FECH: variants seen among roughly 807,000 people sequenced by gnomAD.
FECH encodes the protein ferrochelatase, mitochondrial.
Under a neutral mutation model 56.9 loss-of-function variants are expected in FECH, and 40 were observed. The observed-to-expected ratio is 0.70, with a 90% CI of 0.55 to 0.92. The LOEUF (loss-of-function observed/expected upper bound fraction) is 0.92, where lower values mean the gene tolerates loss of function less well. Ranked by LOEUF, FECH falls within the 40% of genes least tolerant of loss-of-function variation. The probability of loss-of-function intolerance (pLI) is 0.00; values close to 1 mark genes in which losing one functional copy is unlikely to be tolerated. For missense variants in FECH, 431 were observed against 529.1 expected (o/e 0.81, Z 1.82); for synonymous variants, 175 against 198.6 (o/e 0.88, Z 1.00).
intron 5 of FECH, among the ~76,000 whole-genome samples, chr18:57,564,392 G>A (rs958570368): frequency 6.6e-6 from 1 of 152,162 alleles, no homozygotes; most frequent in African/African-American, 2.4e-5. Context: ...GTCTAGGGGA[G>A]TTAGCATTGG....
intron 9 of FECH, 100 bp downstream of exon 9, chr18:57,554,160 T>C: frequency 7.7e-7 from 1 of 1,294,590 alleles, no homozygotes; most frequent in Non-Finnish European, 1.1e-6. Context: ...TGCAAACAAA[T>C]ACAGTAAACA....
intron 6 of FECH, among the ~76,000 whole-genome samples, chr18:57,562,634 G>A (rs1352116248): frequency 6.6e-6 from 1 of 152,162 alleles, no homozygotes; most frequent in Non-Finnish European, 1.5e-5. Context: ...ATATCGTTTT[G>A]TTATGGTTTG....
At chr18:57,578,945 C>T (rs965479661) in intron 2 of FECH, among the ~76,000 whole-genome samples, 12 of 147,110 alleles carry the variant, frequency 8.2e-5, no homozygotes, top group Non-Finnish European at 1.6e-4. Flanking sequence ...GGTGAAAGAG[C>T]AAGACTCCCT....
chr18:57,582,061 C>CA (rs11407406), intron 1 of FECH, among the ~76,000 whole-genome samples: 144,157 of 152,194 alleles, frequency 0.95, 68,423 homozygotes, highest in East Asian at 0.98. Flanking sequence ...TCCTTTTTTA[C>CA]TAAGTTTAAT....
rs940669419 is a variant in FECH at position 57,545,500 on chromosome 18, G to A, written c.*5212C>T. On this transcript the variant is annotated 3_prime_UTR_variant, in exon 11 of 11. Coordinates refer to ENST00000262093, the MANE Select transcript of FECH (RefSeq NM_000140.5). The stretch of plus-strand genomic sequence containing the variant: ...CATTTCTTTCTCTCACGGGACCCCA[G>A]AATAGGAGGAATGTGTTCTCTAGAG... 2.0e-5 allele frequency among the ~76,000 whole-genome samples: 3 copies of A among 152,194 alleles called. No individual in the cohort carries two copies. The highest frequency in any genetic ancestry group is 4.4e-5 in the Non-Finnish European group (3 of 68,036).
Position 57,554,450 on chromosome 18 carries a change from A to G in FECH, c.913-26T>C, listed in dbSNP as rs748765140. On this transcript the variant is annotated intron_variant, in intron 8 of 10. Coordinates refer to ENST00000262093, the MANE Select transcript of FECH (RefSeq NM_000140.5). ...CTATGCGAAAGATAGACGAATGCGT[A>G]AGTGGACTATGCCTCCTGACGGTCT... is the stretch of plus-strand genomic sequence containing the variant. 1.9e-6 allele frequency: 3 copies of G among 1,613,790 alleles called. No homozygotes were observed. The African/African-American group carries it at 4.0e-5, about 22-fold the overall frequency.
intron 4 of FECH, among the ~76,000 whole-genome samples, chr18:57,567,255 T>G (rs1048012270): frequency 6.6e-6 from 1 of 152,194 alleles, no homozygotes; most frequent in African/African-American, 2.4e-5. Context: ...ATTACACATA[T>G]AAAACAGTGC....
chr18:57,564,923 T>C (rs1479911794), intron 5 of FECH, among the ~76,000 whole-genome samples: 2 of 152,246 alleles, frequency 1.3e-5, no homozygotes. Context: ...TCTGCCACAA[T>C]AGTGCCAGTC....
rs1047877566 is a variant in FECH at position 57,548,300 on chromosome 18, G to A, written c.*2412C>T. 2 of 150,058 alleles carry A rather than the reference G, an allele frequency of 1.3e-5. No individual in the cohort carries two copies. The highest frequency in any genetic ancestry group is 2.1e-4 in the South Asian group (1 of 4,740). The allele number at this position is 150,058 out of a possible 1,614,324, so 9.3% of individuals were successfully genotyped here. A position where few individuals can be genotyped will look rare whatever the true frequency, so the allele number is the denominator to read the frequency against. ...ACAATGAGTTCATTTCTCCTGATACGAAGCAAATTTTGAGTGCAAAAATTT... is the reference window on the plus strand; with the variant it reads ...ACAATGAGTTCATTTCTCCTGATACAAAGCAAATTTTGAGTGCAAAAATTT... On this transcript the variant is annotated 3_prime_UTR_variant, in exon 11 of 11. Coordinates refer to ENST00000262093, the MANE Select transcript of FECH (RefSeq NM_000140.5).
rs754007083 is a variant in FECH, at chr18:57,547,166, C to T, written c.*3546G>A. ...GTTACAGGCTCACAGGCAGAAGGGA[C>T]TTGCCTTGTCTTGGATGAGACTTTG... On this transcript the variant is annotated 3_prime_UTR_variant, in exon 11 of 11. Transcript: ENST00000262093. Among the ~76,000 whole-genome samples, 19 of 152,058 alleles carry T rather than the reference C, an allele frequency of 1.2e-4. No homozygotes were observed. The highest frequency in any genetic ancestry group is 2.6e-4 in the Non-Finnish European group (18 of 68,030).
In FECH at chr18:57,562,955, T is replaced by C; in HGVS notation, c.624A>G (p.Arg208=). The stretch of plus-strand genomic sequence containing the variant: ...GCTTCCGTCCCACTTGATTATAGTA[T>C]CTGTAAATGGCATTTAAGCTGCTGC... The part of the protein sequence containing the change: ...TTGSSLNAIY[R]YYNQVGRKPT... Residue 208 remains arginine, a synonymous_variant, in exon 6 of 11, where the codon AGA becomes AGG. Coordinates refer to ENST00000262093, the MANE Select transcript of FECH (RefSeq NM_000140.5). 1.9e-6 allele frequency: 3 copies of C among 1,614,082 alleles called. No homozygotes were observed. The highest frequency in any genetic ancestry group is 2.5e-6 in the Non-Finnish European group (3 of 1,179,976).
At chr18:57,556,082 T>C (rs147206130) in intron 7 of FECH, among the ~76,000 whole-genome samples, 172 of 152,294 alleles carry the variant, frequency 1.1e-3, no homozygotes, top group Non-Finnish European at 1.9e-3. Flanking sequence ...TGAGCCGAGA[T>C]TGCACCAGTG....
In FECH at chr18:57,554,320, A is replaced by G; in HGVS notation, c.1017T>C (p.Ser339=). ...GCTCATACAGCGTTTCAATATGGTC[A>G]CTGGTAAATGCTATCGGAACCAAGA... ...NILLVPIAFT[S]DHIETLYELD... is the part of the protein sequence containing the mutation. The change falls in exon 9 of 11, where the codon AGT becomes AGC. Residue 339 remains serine (S), a synonymous_variant. Transcript: ENST00000262093. 6.2e-7 allele frequency: 1 copy of G among 1,614,228 alleles called. No individual in the cohort carries two copies. Among genetic ancestry groups the G allele is most frequent in the Non-Finnish European group, 8.5e-7 (1 of 1,180,024 alleles).
At position 57,545,572 on chromosome 18, in the gene FECH, C is replaced by T. The variant is rs55987829; in HGVS notation, c.*5140G>A. ...TCTTTGGCAAGATGCATCAGACGCA[C>T]GGAGCGATGGTCTGGCTGAAGGGCA... On this transcript the variant is annotated 3_prime_UTR_variant, in exon 11 of 11. Coordinates refer to ENST00000262093, the MANE Select transcript of FECH (RefSeq NM_000140.5). Among the ~76,000 whole-genome samples the T allele has an allele frequency of 2.9e-3, 437 of 152,272 alleles. 2 individuals carry two copies. Among genetic ancestry groups the T allele is most frequent in the Non-Finnish European group, 5.2e-3 (356 of 68,024 alleles).
At position 57,546,176 on chromosome 18, in the gene FECH, G is replaced by A. The variant is rs1395495466; in HGVS notation, c.*4536C>T. ...GTTCCTGGGCCACCTTCAGGATTCT[G>A]GCAGAAGGGGTTTCAGGTGAGGTGA... On this transcript the variant is annotated 3_prime_UTR_variant, in exon 11 of 11. Coordinates refer to ENST00000262093, the MANE Select transcript of FECH (RefSeq NM_000140.5). Among the ~76,000 whole-genome samples, 1 of 152,176 alleles carries A rather than the reference G, an allele frequency of 6.6e-6. No homozygotes were observed. Among genetic ancestry groups the A allele is most frequent in the Non-Finnish European group, 1.5e-5 (1 of 68,040 alleles).
chr18:57,563,742 C>CT (rs370179917), intron 5 of FECH, among the ~76,000 whole-genome samples: 8 of 151,966 alleles, frequency 5.3e-5, no homozygotes, highest in Non-Finnish European at 1.0e-4. Flanking sequence ...TAATATGGTT[C>CT]TTTTTTTCTT....
chr18:57,550,527 T>C lies in FECH; in HGVS notation c.*185A>G, dbSNP rs566916761. On this transcript the variant is annotated 3_prime_UTR_variant, in exon 11 of 11. Transcript: ENST00000262093. ...GAAAATACAAATGCTTACTGTATAG[T>C]TATATAAAAATAGAAATCCATCAAG... The C allele has an allele frequency of 1.6e-6, 1 of 636,932 alleles. No individual in the cohort carries two copies. Among genetic ancestry groups the C allele is most frequent in the Admixed American group, 2.9e-5 (1 of 33,928 alleles). 39.5% of individuals were successfully genotyped at this position (636,932 alleles called of 1,614,324 possible).
intron 4 of FECH, among the ~76,000 whole-genome samples, chr18:57,568,837 C>T (rs1416425753): frequency 1.3e-5 from 2 of 152,224 alleles, no homozygotes; most frequent in Non-Finnish European, 2.9e-5. Flanking sequence ...CAAATGCTTA[C>T]TTTGTATCAG....
Position 57,559,441 on chromosome 18 carries a change from A to G in FECH, c.706-198T>C, listed in dbSNP as rs1646594. On this transcript the variant is annotated intron_variant, in intron 6 of 10. Transcript: ENST00000262093. ...CATCAAAATGGATCATAACAGTTTCAGGGGCCTAGGGAATTTGCTGGGAAA... is the reference window on the plus strand; with the variant it reads ...CATCAAAATGGATCATAACAGTTTCGGGGGCCTAGGGAATTTGCTGGGAAA... Among the ~76,000 whole-genome samples, 80,173 of 152,064 alleles carry G rather than the reference A, an allele frequency of 0.53. 21,785 individuals carry two copies. Among genetic ancestry groups the G allele is most frequent in the South Asian group, 0.61 (2,914 of 4,816 alleles).
Sources: gnomAD v4.1 joint callset for allele counts (sites outside exome capture counted in the v4.1 genomes callset) on GRCh38, gnomAD v4.1.1 for gene constraint, MANE v1.5 for transcripts, NCBI Gene and HGNC (gene_info 2026-07-23, HGNC 2026-07-21) for gene names.